Variants in SETBP1 observed in about 807,000 individuals in gnomAD.
SETBP1 encodes the protein SET binding protein 1.
SETBP1 carries 9 observed loss-of-function variants against 101.0 expected under a neutral mutation model. The ratio of observed to expected loss-of-function variants is 0.09; its 90% CI spans 0.05 to 0.16. The LOEUF (loss-of-function observed/expected upper bound fraction) is 0.16, where lower values mean the gene tolerates loss of function less well. Ranked by LOEUF, SETBP1 falls within the 10% of genes least tolerant of loss-of-function variation. SETBP1 has a pLI of 1.00. For synonymous variants in SETBP1, 818 were observed against 788.5 expected, an observed-to-expected ratio of 1.04 and a Z score of -0.63; for missense variants, 1,858 against 2,033.8, an observed-to-expected ratio of 0.91 and a Z score of 1.66.
At chr18:44,954,253 T>TGTA (rs2071432248) in intron 4 of SETBP1, among the ~76,000 whole-genome samples, 1 of 140,002 alleles carries the variant, frequency 7.1e-6, no homozygotes, top group East Asian at 2.1e-4. Flanking sequence ...TCATATATGA[T>TGTA]AAGACCCCTA....
intron 4 of SETBP1, among the ~76,000 whole-genome samples, chr18:44,976,600 C>T (rs1312479501): frequency 6.6e-6 from 1 of 152,110 alleles, no homozygotes; most frequent in Non-Finnish European, 1.5e-5. Context: ...AGATACTGCT[C>T]AGGGCAAGGA....
intron 5 of SETBP1, among the ~76,000 whole-genome samples, chr18:45,053,944 C>T (rs899318864): frequency 2.6e-5 from 4 of 152,044 alleles, no homozygotes; most frequent in Admixed American, 6.6e-5. Flanking sequence ...GTGCAACCAC[C>T]CCCACTGTGT....
chr18:44,707,632 C>G lies in SETBP1; in HGVS notation c.486+5800C>G, dbSNP rs188786840. Reference sequence around the variant, plus strand: ...CATTCACAATCTGCTTTTGAGAAGCCAAATAAATCATGCACTTATTTCCTC... The same window carrying G: ...CATTCACAATCTGCTTTTGAGAAGCGAAATAAATCATGCACTTATTTCCTC... On this transcript the variant is annotated intron_variant, in intron 2 of 5. Coordinates refer to ENST00000649279, the MANE Select transcript of SETBP1 (RefSeq NM_015559.3). 3.8e-3 allele frequency among the ~76,000 whole-genome samples: 575 copies of G among 152,244 alleles called. 5 individuals are homozygous for G. Among genetic ancestry groups the G allele is most frequent in the Non-Finnish European group, 5.5e-3 (376 of 68,022 alleles).
At chr18:44,823,355 A>G (rs926705958) in intron 2 of SETBP1, among the ~76,000 whole-genome samples, 7 of 152,252 alleles carry the variant, frequency 4.6e-5, no homozygotes, top group African/African-American at 1.7e-4. Context: ...CATCCATCTG[A>G]AGGAAAATAC....
chr18:44,744,098 C>G (rs2070163349), intron 2 of SETBP1, among the ~76,000 whole-genome samples: 1 of 152,242 alleles, frequency 6.6e-6, no homozygotes, highest in African/African-American at 2.4e-5. Context: ...TTCCACTCTG[C>G]CATTGCTGGC....
chr18:45,061,631 CCCT>C (rs1231542294), intron 5 of SETBP1, among the ~76,000 whole-genome samples: 4 of 152,246 alleles, frequency 2.6e-5, no homozygotes, highest in African/African-American at 9.6e-5. Flanking sequence ...TCAAATAAAA[CCCT>C]CCTGGCAATC....
At chr18:44,930,905 TTTTTTTGAAGAG>T (rs2070817980) in intron 3 of SETBP1, among the ~76,000 whole-genome samples, 1 of 152,122 alleles carries the variant, frequency 6.6e-6, no homozygotes, top group Non-Finnish European at 1.5e-5. Context: ...GATTCATTGA[TTTTTTTGAAGAG>T]TTTTTTGTGT....
intron 2 of SETBP1, among the ~76,000 whole-genome samples, chr18:44,768,264 G>A (rs1293203545): frequency 1.3e-5 from 2 of 152,232 alleles, no homozygotes; most frequent in African/African-American, 4.8e-5. Flanking sequence ...AACCATACAA[G>A]CTCTGCTTTT....
intron 2 of SETBP1, among the ~76,000 whole-genome samples, chr18:44,790,425 A>C (rs2071346100): frequency 6.6e-6 from 1 of 152,234 alleles, no homozygotes; most frequent in Non-Finnish European, 1.5e-5. Context: ...ATAATCATAC[A>C]TTAATTTTCT....
At chr18:44,989,279 A>G (rs1213217135) in intron 4 of SETBP1, 8 of 152,178 alleles carry the variant, frequency 5.3e-5, no homozygotes, top group Non-Finnish European at 1.5e-5. Flanking sequence ...AACTGCCCAA[A>G]TAGAAAGTCT....
intron 4 of SETBP1, among the ~76,000 whole-genome samples, chr18:45,024,670 C>T (rs1178254201): frequency 2.0e-5 from 3 of 152,200 alleles, no homozygotes; most frequent in Non-Finnish European, 4.4e-5. Flanking sequence ...ATTAGCTCTG[C>T]GCACAATGCA....
chr18:44,725,307 TA>T (rs1303778627), intron 2 of SETBP1, among the ~76,000 whole-genome samples: 4 of 152,198 alleles, frequency 2.6e-5, no homozygotes, highest in Non-Finnish European at 5.9e-5. Flanking sequence ...AGAGAGACTA[TA>T]AAGTGATTCC....
intron 3 of SETBP1, among the ~76,000 whole-genome samples, chr18:44,886,443 A>G (rs1333990906): frequency 1.3e-5 from 2 of 152,180 alleles, no homozygotes; most frequent in African/African-American, 2.4e-5. Flanking sequence ...TCCTCAACTT[A>G]CTTGGATCAA....
At chr18:44,944,619 G>A (rs770044967) in intron 3 of SETBP1, among the ~76,000 whole-genome samples, 2 of 152,128 alleles carry the variant, frequency 1.3e-5, no homozygotes, top group Non-Finnish European at 2.9e-5. Context: ...ATTAAGAGAT[G>A]AGGCCTCCCT....
At chr18:44,692,568 G>A (rs888702627) in intron 1 of SETBP1, among the ~76,000 whole-genome samples, 1 of 152,200 alleles carries the variant, frequency 6.6e-6, no homozygotes, top group African/African-American at 2.4e-5. Context: ...GGAGCTTGTG[G>A]TCTAGTGGGA....
At chr18:44,706,591 CAAAAAAAAAA>C (rs1018470585) in intron 2 of SETBP1, among the ~76,000 whole-genome samples, 12 of 16,972 alleles carry the variant, frequency 7.1e-4, no homozygotes, top group South Asian at 4.3e-3. Flanking sequence ...GACTCAATCT[CAAAAAAAAAA>C]AAAAAAAAAA....
intron 2 of SETBP1, among the ~76,000 whole-genome samples, chr18:44,821,535 G>C (rs9954491): frequency 1.3e-5 from 2 of 152,278 alleles, no homozygotes; most frequent in Admixed American, 6.5e-5. Context: ...CTGGACCCAT[G>C]CCTCTTTAGG....
intron 4 of SETBP1, among the ~76,000 whole-genome samples, chr18:44,957,997 G>A (rs1599377674): frequency 6.6e-6 from 1 of 152,138 alleles, no homozygotes; most frequent in Non-Finnish European, 1.5e-5. Context: ...GTTCAAGTAG[G>A]GTTAGGAAGA....
intron 4 of SETBP1, among the ~76,000 whole-genome samples, chr18:44,964,577 C>T (rs971898944): frequency 3.5e-5 from 5 of 143,146 alleles, no homozygotes; most frequent in African/African-American, 1.1e-4. Flanking sequence ...TATTTGAAAA[C>T]GTTTTTATTA....
Sources: gnomAD v4.1 joint callset for allele counts (sites outside exome capture counted in the v4.1 genomes callset) on GRCh38, gnomAD v4.1.1 for gene constraint, MANE v1.5 for transcripts, NCBI Gene and HGNC (gene_info 2026-07-23, HGNC 2026-07-21) for gene names.